The following SMG6 variants were observed in gnomAD, a reference collection of about 807,000 sequenced individuals.
SMG6 encodes the protein telomerase-binding protein EST1A.
Under a neutral mutation model 142.2 loss-of-function variants are expected in SMG6, and 66 were observed. The ratio of observed to expected loss-of-function variants is 0.46; its 90% confidence interval spans 0.38 to 0.57. The LOEUF is 0.57. Ranked by LOEUF, SMG6 falls within the 20% of genes least tolerant of loss-of-function variation. The pLI is 0.00. For missense variants in SMG6, 1,793 were observed against 1,832.0 expected (o/e 0.98, Z 0.39); for synonymous variants, 779 against 702.4 (o/e 1.11, Z -1.72).
chr17:2,220,033 C>T (rs987908492), intron 10 of SMG6, among the ~76,000 whole-genome samples: 2 of 151,968 alleles, frequency 1.3e-5, no homozygotes, highest in African/African-American at 2.4e-5. Flanking sequence ...GCCATTCTCC[C>T]GTATAATTTT....
At chr17:2,301,925 A>T (rs1446973012) in intron 1 of SMG6, among the ~76,000 whole-genome samples, 1 of 152,126 alleles carries the variant, frequency 6.6e-6, no homozygotes, top group South Asian at 2.1e-4. Flanking sequence ...ATTCGGGAGA[A>T]TATTATCAAG....
intron 10 of SMG6, among the ~76,000 whole-genome samples, chr17:2,209,247 C>A (rs2072777246): frequency 6.6e-6 from 1 of 152,190 alleles, no homozygotes; most frequent in Non-Finnish European, 1.5e-5. Flanking sequence ...AGTCTCCCCT[C>A]TACTGCCTAG....
At chr17:2,111,487 C>A (rs756785142) in intron 13 of SMG6, among the ~76,000 whole-genome samples, 14 of 152,288 alleles carry the variant, frequency 9.2e-5, no homozygotes, top group Non-Finnish European at 1.5e-4. Flanking sequence ...TCATAGCTCA[C>A]TGCAGCCTCG....
chr17:2,108,909 C>T (rs1053537424), intron 13 of SMG6, among the ~76,000 whole-genome samples: 7 of 152,178 alleles, frequency 4.6e-5, no homozygotes, highest in African/African-American at 1.7e-4. Flanking sequence ...TACACCACTG[C>T]ACTCCAGCCT....
At chr17:2,183,745 GACACACACACACACACACACACACACAC>G (rs56210030) in intron 12 of SMG6, among the ~76,000 whole-genome samples, 49,976 of 146,382 alleles carry the variant, frequency 0.34, 8,665 homozygotes, top group African/African-American at 0.43. Context: ...AGGTGCGTGC[GACACACACACACACACACACACACACAC>G]ACACACACAC....
At chr17:2,236,924 C>T in intron 9 of SMG6, 2 of 873,606 alleles carry the variant, frequency 2.3e-6, no homozygotes, top group Non-Finnish European at 2.9e-6. Context: ...ATTTCCTCAC[C>T]CCTGGCAATA....
chr17:2,288,323 A>C (rs900760102), intron 6 of SMG6, among the ~76,000 whole-genome samples: 2 of 151,352 alleles, frequency 1.3e-5, no homozygotes, highest in African/African-American at 4.9e-5. Context: ...CAAAAAAAAG[A>C]AAAAGAGCAA....
intron 8 of SMG6, among the ~76,000 whole-genome samples, chr17:2,280,752 T>A (rs1195444283): frequency 1.3e-5 from 2 of 152,230 alleles, no homozygotes; most frequent in Non-Finnish European, 2.9e-5. Flanking sequence ...TTAAAGTTTT[T>A]ACCAAAAATA....
intron 6 of SMG6, among the ~76,000 whole-genome samples, chr17:2,288,051 C>T (rs1042901820): frequency 1.3e-5 from 2 of 152,142 alleles, no homozygotes; most frequent in African/African-American, 2.4e-5. Flanking sequence ...TGGTGGCTCA[C>T]GCCTGTAATC....
At chr17:2,143,763 G>C (rs1013924628) in intron 13 of SMG6, among the ~76,000 whole-genome samples, 2 of 152,046 alleles carry the variant, frequency 1.3e-5, no homozygotes, top group African/African-American at 4.8e-5. Flanking sequence ...ATTTAAAAAG[G>C]GTATTAAAAC....
intron 8 of SMG6, among the ~76,000 whole-genome samples, chr17:2,271,100 C>G (rs998363880): frequency 6.8e-6 from 1 of 146,838 alleles, no homozygotes; most frequent in African/African-American, 2.5e-5. Context: ...GGAAATTGTT[C>G]TTCTGTTTTT....
rs889337178 is a variant in SMG6, at chr17:2,296,281, C to T, written c.2151+962G>A. ...TACTGAAGTTCTTGCACTTTCCCAA[C>T]AATGCCTGGTTCTCTTTTGCTGGAC... On this transcript the variant is annotated intron_variant, in intron 4 of 18. Coordinates refer to ENST00000263073, the MANE Select transcript of SMG6 (RefSeq NM_017575.5). 2.6e-5 allele frequency among the ~76,000 whole-genome samples: 4 copies of T among 152,300 alleles called. No homozygotes were observed. The East Asian group carries it at 7.7e-4, about 29-fold the overall frequency.
intron 10 of SMG6, among the ~76,000 whole-genome samples, chr17:2,219,759 A>G (rs1567693350): frequency 1.3e-5 from 2 of 148,236 alleles, no homozygotes; most frequent in African/African-American, 5.0e-5. Flanking sequence ...CTATGACCAC[A>G]CCACTGCACT....
intron 10 of SMG6, among the ~76,000 whole-genome samples, chr17:2,226,303 A>G (rs556647658): frequency 1.3e-5 from 2 of 150,812 alleles, no homozygotes; most frequent in African/African-American, 2.4e-5. Context: ...GAAAAAAAAG[A>G]GCCGGGCGTA....
intron 10 of SMG6, among the ~76,000 whole-genome samples, chr17:2,225,509 T>C (rs1567697828): frequency 6.6e-6 from 1 of 151,604 alleles, no homozygotes; most frequent in Non-Finnish European, 1.5e-5. Context: ...CCTCAAAAAA[T>C]ATAGGTGCGT....
intron 8 of SMG6, chr17:2,244,986 G>A: frequency 4.2e-6 from 2 of 480,088 alleles, no homozygotes; most frequent in Admixed American, 6.9e-5. Context: ...ATGAGGCGGT[G>A]AATCCTAATA....
intron 13 of SMG6, chr17:2,088,566 C>G (rs1259496474): frequency 4.4e-5 from 43 of 985,282 alleles, no homozygotes; most frequent in Non-Finnish European, 5.1e-5. Context: ...GGGTCTCTGA[C>G]CTGGTGTTAA....
intron 13 of SMG6, among the ~76,000 whole-genome samples, chr17:2,106,638 T>C (rs2069163647): frequency 6.6e-6 from 1 of 151,976 alleles, no homozygotes; most frequent in Non-Finnish European, 1.5e-5. Flanking sequence ...ACCCAGCCGA[T>C]TATGAGAGAG....
chr17:2,243,678 T>TC (rs1481477171), intron 9 of SMG6, among the ~76,000 whole-genome samples: 1 of 151,950 alleles, frequency 6.6e-6, no homozygotes, highest in East Asian at 1.9e-4. Context: ...AGGCTCTGTC[T>TC]CAAAAAAAAG....
Sources: gnomAD v4.1 joint callset for allele counts (sites outside exome capture counted in the v4.1 genomes callset) on GRCh38, gnomAD v4.1.1 for gene constraint, MANE v1.5 for transcripts, NCBI Gene and HGNC (gene_info 2026-07-23, HGNC 2026-07-21) for gene names.